PLEKHG6: variants seen among roughly 807,000 people sequenced by gnomAD.
PLEKHG6 encodes pleckstrin homology domain-containing family G member 6.
Under a neutral mutation model 97.5 loss-of-function variants are expected in PLEKHG6, and 91 were observed. That is an observed-to-expected ratio of 0.93 (90% CI 0.79 to 1.11). The LOEUF is 1.11. Ranked by LOEUF, PLEKHG6 falls within the 50% of genes most tolerant of loss-of-function variation. The pLI is 0.00. For missense variants in PLEKHG6, 1,044 were observed against 1,031.0 expected (o/e 1.01, Z -0.17); for synonymous variants, 466 against 425.5 (o/e 1.10, Z -1.17).
intron 13 of PLEKHG6, 70 bp downstream of exon 13, chr12:6,319,178 T>C: frequency 2.0e-6 from 2 of 1,004,246 alleles, no homozygotes. Flanking sequence ...AGCACAGTGG[T>C]GGATCACACC....
intron 13 of PLEKHG6, among the ~76,000 whole-genome samples, chr12:6,325,611 C>T (rs1218825596): frequency 1.3e-5 from 2 of 152,238 alleles, no homozygotes; most frequent in African/African-American, 4.8e-5. Flanking sequence ...CCACCTCTGC[C>T]CACGTTCTGC....
intron 13 of PLEKHG6, among the ~76,000 whole-genome samples, chr12:6,321,672 A>T: frequency 6.6e-6 from 1 of 151,854 alleles, no homozygotes; most frequent in Non-Finnish European, 1.5e-5. Context: ...TAAAAAAGAC[A>T]AAAAATTAGC....
chr12:6,315,726 C>T lies in PLEKHG6; in HGVS notation c.555+77C>T, dbSNP rs768174669. On this transcript the variant is annotated intron_variant, in intron 5 of 15. Coordinates refer to ENST00000684764, the MANE Select transcript of PLEKHG6 (RefSeq NM_001384598.1). This position sits in a 1 kb window ranked among gnomAD's most constrained non-coding sequence, Gnocchi z 4.5. ...CATCCTCCCAGACTGGAAGGCAGGT[C>T]ACTGGGGGAGGGAGGGGCAGGATTT... is the stretch of plus-strand genomic sequence containing the variant. The T allele has an allele frequency of 1.5e-5, 18 of 1,226,448 alleles. No homozygotes were observed. The highest frequency in any genetic ancestry group is 3.0e-5 in the African/African-American group (2 of 66,836). The allele number at this position is 1,226,448 out of a possible 1,614,324, so 76.0% of individuals were successfully genotyped here.
chr12:6,317,486 A>T, intron 8 of PLEKHG6, 61 bp from the exon 9 acceptor site: 1 of 1,612,404 alleles, frequency 6.2e-7, no homozygotes, highest in Non-Finnish European at 8.5e-7. Context: ...CCTGAGGCTG[A>T]GTTCACCACT....
rs1057471621 is a variant in PLEKHG6 at position 6,319,925 on chromosome 12, T to C, written c.1524+817T>C. ...GCAAGGCATTGTCTGCTGGGTCTGT[T>C]TGGAAGGGACACAGAGGAGCTGATG... On this transcript the variant is annotated intron_variant, in intron 13 of 15. Transcript: ENST00000684764. Among the ~76,000 whole-genome samples the C allele has an allele frequency of 2.2e-4, 34 of 152,220 alleles. 2 individuals are homozygous for C. The highest frequency in any genetic ancestry group is 2.2e-3 in the Admixed American group (34 of 15,296).
intron 14 of PLEKHG6, 145 bp downstream of exon 14, chr12:6,326,718 A>T: frequency 1.3e-6 from 1 of 751,802 alleles, no homozygotes; most frequent in South Asian, 2.5e-5. Context: ...GCTCGGTACC[A>T]GCTGTGTTGG....
At chr12:6,326,655 T>G (rs1947868204) in intron 14 of PLEKHG6, 82 bp downstream of exon 14, 1 of 1,283,150 alleles carries the variant, frequency 7.8e-7, no homozygotes, top group Non-Finnish European at 1.0e-6. Flanking sequence ...CTGCACATTT[T>G]TGGTGGAATT....
intron 2 of PLEKHG6, 200 bp downstream of exon 2, chr12:6,312,564 TG>T: frequency 8.3e-7 from 1 of 1,206,802 alleles, no homozygotes; most frequent in Non-Finnish European, 1.1e-6. Flanking sequence ...TCCCAGCAGC[TG>T]GGCAGGAGAG....
chr12:6,322,632 C>A (rs1401142540), intron 13 of PLEKHG6, among the ~76,000 whole-genome samples: 1 of 152,218 alleles, frequency 6.6e-6, no homozygotes, highest in East Asian at 1.9e-4. Flanking sequence ...CTAATCCCAG[C>A]ACTTTGAGAG....
chr12:6,328,168 T>C lies in PLEKHG6; in HGVS notation c.*23T>C. The C allele has an allele frequency of 6.2e-7, 1 of 1,612,478 alleles. No individual in the cohort carries two copies. The stretch of plus-strand genomic sequence containing the variant: ...TGAGGAATGCAGAGGACCTTTGGCA[T>C]GCATCTCTCCCAGAGGAGATCTCTC... On this transcript the variant is annotated 3_prime_UTR_variant, in exon 16 of 16. Coordinates refer to ENST00000684764, the MANE Select transcript of PLEKHG6 (RefSeq NM_001384598.1).
At position 6,317,173 on chromosome 12, in the gene PLEKHG6, G is replaced by A. The variant is rs929718426; in HGVS notation, c.757-130G>A. 8 of 631,560 alleles carry A rather than the reference G, an allele frequency of 1.3e-5. No individual in the cohort carries two copies. The East Asian group carries it at 1.9e-4, about 15-fold the overall frequency. The allele number at this position is 631,560 out of a possible 1,614,324, so 39.1% of individuals were successfully genotyped here. A position where few individuals can be genotyped will look rare whatever the true frequency, so the allele number is the denominator to read the frequency against. On this transcript the variant is annotated intron_variant, in intron 7 of 15. Transcript: ENST00000684764. ...TTCCTGGGAGGATCCTGGGAGGGAG[G>A]GACTGTCAGGAGCTGGGCTAAGGGC...
In PLEKHG6 at chr12:6,327,946, C is replaced by T. The variant is rs779202922; in HGVS notation, c.2363C>T (p.Ser788Leu). ...IIQLDTPLSASEV is the reference protein window; with the variant it reads ...IIQLDTPLSALEV ...CAGCTGGACACCCCTCTGTCCGCAT[C>T]GTAAGTGCTGGAGGGAAGCTGGCCT... Residue 788 changes from serine (S) to leucine (L), a missense_variant and splice_region_variant, in exon 15 of 16, where the codon TCA becomes TTA. Transcript: ENST00000684764. 9 of 1,494,092 alleles carry T rather than the reference C, an allele frequency of 6.0e-6. No homozygotes were observed. Among genetic ancestry groups the T allele is most frequent in the South Asian group, 2.7e-5 (2 of 74,034 alleles). 92.6% of individuals were successfully genotyped at this position (1,494,092 alleles called of 1,614,324 possible). A position where few individuals can be genotyped will look rare whatever the true frequency, so the allele number is the denominator to read the frequency against.
rs373973305 is a variant in PLEKHG6, at chr12:6,322,749, C to T, written c.1524+3641C>T. 2.4e-4 allele frequency among the ~76,000 whole-genome samples: 37 copies of T among 152,196 alleles called. No individual in the cohort carries two copies. The East Asian group carries it at 5.6e-3, about 23-fold the overall frequency. On this transcript the variant is annotated intron_variant, in intron 13 of 15. Coordinates refer to ENST00000684764, the MANE Select transcript of PLEKHG6 (RefSeq NM_001384598.1). ...TACAAAAATTAGCTGGGCCTGGTGG[C>T]GCATGCCTGTAGTCCCAGCTACTCG... is the stretch of plus-strand genomic sequence containing the variant.
intron 13 of PLEKHG6, 121 bp downstream of exon 13, chr12:6,319,229 C>T: frequency 4.4e-6 from 3 of 683,102 alleles, no homozygotes; most frequent in South Asian, 3.6e-5. Flanking sequence ...AGGTGGATCA[C>T]CTGAGGTCAG....
Position 6,319,027 on chromosome 12 carries a change from G to C in PLEKHG6, c.1443G>C (p.Gln481His). 6.2e-7 allele frequency: 1 copy of C among 1,614,074 alleles called. No individual in the cohort carries two copies. The highest frequency in any genetic ancestry group is 2.2e-5 in the East Asian group (1 of 44,886). Residue 481 changes from glutamine (Q) to histidine (H), a missense_variant, in exon 13 of 16, where the codon CAG (glutamine) becomes CAC (histidine). Gln to His is a conservative substitution (Grantham distance 24, BLOSUM62 0). Transcript: ENST00000684764. ...SFLLIHLTEF[Q>H]CVSSALLVHC... ...TGCTGATCCACCTCACTGAATTCCA[G>C]TGTGTCTCCAGCGCCCTCCTTGTGC...
chr12:6,319,069 A>G lies in PLEKHG6; in HGVS notation c.1485A>G (p.Thr495=), dbSNP rs371093664. The change falls in exon 13 of 16, where the codon ACA becomes ACG. Residue 495 remains threonine, a synonymous_variant. Coordinates refer to ENST00000684764, the MANE Select transcript of PLEKHG6 (RefSeq NM_001384598.1). ...SALLVHCPSP[T]DRAQWLEKTQ... ...TCCTTGTGCACTGTCCCAGTCCTACAGACCGTGCCCAGTGGCTGGAGAAGA... is the reference window on the plus strand; with the variant it reads ...TCCTTGTGCACTGTCCCAGTCCTACGGACCGTGCCCAGTGGCTGGAGAAGA... The G allele has an allele frequency of 1.2e-6, 2 of 1,611,694 alleles. No homozygotes were observed. Among genetic ancestry groups the G allele is most frequent in the African/African-American group, 2.7e-5 (2 of 75,018 alleles).
chr12:6,318,067 G>T (rs1343581404), intron 10 of PLEKHG6, 73 bp downstream of exon 10: 2 of 1,481,910 alleles, frequency 1.3e-6, no homozygotes, highest in Non-Finnish European at 1.8e-6. Context: ...GGGCTGCAAG[G>T]CCAGAACACC....
chr12:6,313,325 C>A, intron 2 of PLEKHG6: 2 of 865,014 alleles, frequency 2.3e-6, no homozygotes, highest in South Asian at 1.6e-5. Flanking sequence ...GGGGCACACA[C>A]ACCAGAGCCC....
chr12:6,325,592 G>A (rs1253290055), intron 13 of PLEKHG6, among the ~76,000 whole-genome samples: 3 of 152,128 alleles, frequency 2.0e-5, no homozygotes, highest in Non-Finnish European at 4.4e-5. Flanking sequence ...CCTCAGCCTG[G>A]GACAAAGCCC....
Sources: allele counts gnomAD v4.1 joint callset (sites outside exome capture counted in the v4.1 genomes callset), GRCh38; gene constraint gnomAD v4.1.1; non-coding constraint Gnocchi (gnomAD v3.1); transcripts MANE v1.5; gene names NCBI Gene and HGNC (gene_info 2026-07-23, HGNC 2026-07-21).